The following ZNF599 variants were observed in gnomAD, a reference collection of about 807,000 sequenced individuals.
ZNF599 encodes the protein zinc finger protein 599.
In ZNF599, 10 loss-of-function variants were observed where a neutral mutation model predicts 11.7. That is an observed-to-expected ratio of 0.86 (90% confidence interval 0.53 to 1.45). ZNF599 has a LOEUF of 1.45. Among genes scored for constraint, ZNF599 ranks in the 40% most tolerant of loss-of-function variants. ZNF599 has a pLI of 0.00. For missense variants in ZNF599, 688 were observed against 713.6 expected (o/e 0.96, Z 0.41); for synonymous variants, 232 against 253.2 (o/e 0.92, Z 0.79).
intron 3 of ZNF599, chr19:34,763,447 G>T (rs1300609857): frequency 6.6e-6 from 1 of 152,146 alleles, no homozygotes; most frequent in Admixed American, 6.5e-5. Context: ...GATCACTGAA[G>T]GTCGGGAGTT....
At chr19:34,769,578 C>T in intron 1 of ZNF599, 23 bp from the exon 2 acceptor site, 1 of 1,607,970 alleles carries the variant, frequency 6.2e-7, no homozygotes, top group South Asian at 1.1e-5. Context: ...ACAGAGGTGA[C>T]AGGTGGCTGT....
chr19:34,765,763 T>C (rs2069138390), intron 3 of ZNF599: 1 of 684,478 alleles, frequency 1.5e-6, no homozygotes, highest in Admixed American at 2.0e-5. Context: ...GAGGCGGTGA[T>C]ACATGGAACA....
chr19:34,760,034 T>C lies in ZNF599; in HGVS notation c.767A>G (p.Lys256Arg), dbSNP rs1357500019. Residue 256 changes from lysine to arginine, a missense_variant, in exon 4 of 4, where the codon AAG (lysine) becomes AGG (arginine). Coordinates refer to ENST00000329285, the MANE Select transcript of ZNF599 (RefSeq NM_001007248.3). ...MRLHTGEKPYKCIECGKAFKR... is the reference protein window; with the variant it reads ...MRLHTGEKPYRCIECGKAFKR... ...GAAGGCTTTCCCACACTCAATACAC[T>C]TGTATGGTTTTTCCCCAGTATGAAG... 6.2e-7 allele frequency: 1 copy of C among 1,614,044 alleles called. No homozygotes were observed. Among genetic ancestry groups the C allele is most frequent in the East Asian group, 2.2e-5 (1 of 44,866 alleles).
chr19:34,794,855 A>G, the ZNF599 span, among the ~76,000 whole-genome samples: 1 of 152,110 alleles, frequency 6.6e-6, no homozygotes, highest in African/African-American at 2.4e-5. Context: ...ACAAGGGTCA[A>G]TCACCATGCC....
chr19:34,802,466 C>T, the ZNF599 span, among the ~76,000 whole-genome samples: 5,085 of 152,228 alleles, frequency 0.033, 146 homozygotes, highest in East Asian at 0.081. Context: ...GAGTGGCTCA[C>T]GTTCAGAGAC....
upstream of ZNF599, among the ~76,000 whole-genome samples, chr19:34,775,025 C>T (rs1199054883): frequency 6.6e-6 from 1 of 152,200 alleles, no homozygotes; most frequent in Non-Finnish European, 1.5e-5. Flanking sequence ...TGCTCCTGCT[C>T]TCACCATGTG....
chr19:34,759,057 G>C lies in ZNF599; in HGVS notation c.1744C>G (p.Arg582Gly). 5 of 1,611,602 alleles carry C rather than the reference G, an allele frequency of 3.1e-6. No homozygotes were observed. The highest frequency in any genetic ancestry group is 4.2e-6 in the Non-Finnish European group (5 of 1,178,200). Residue 582 changes from arginine (R) to glycine (G), a missense_variant, in exon 4 of 4, where the codon CGA becomes GGA. Coordinates refer to ENST00000329285, the MANE Select transcript of ZNF599 (RefSeq NM_001007248.3). Reference protein sequence around the residue: ...FSHSSSFTHHRKIHTRV With the variant: ...FSHSSSFTHHGKIHTRV ...TTTTAAACTCTGGTATGAATCTTTC[G>C]ATGGTGAGTGAACGATGAACTGTGG...
upstream of ZNF599, among the ~76,000 whole-genome samples, chr19:34,775,816 AAAAC>A (rs1259708543): frequency 1.3e-5 from 2 of 152,226 alleles, no homozygotes; most frequent in Non-Finnish European, 2.9e-5. Flanking sequence ...GTGTGTCAAC[AAAAC>A]ATATTAGTAA....
chr19:34,785,788 G>T, the ZNF599 span, among the ~76,000 whole-genome samples: 1 of 152,146 alleles, frequency 6.6e-6, no homozygotes, highest in African/African-American at 2.4e-5. Context: ...TGTGCTGTGG[G>T]GGGTGTGCCC....
intron 1 of ZNF599, 79 bp downstream of exon 1, chr19:34,772,745 G>T (rs2145467410): frequency 1.3e-6 from 2 of 1,531,502 alleles, no homozygotes; most frequent in South Asian, 2.4e-5. Flanking sequence ...ACAGAGTCCC[G>T]GCATCCGCCG....
the ZNF599 span, among the ~76,000 whole-genome samples, chr19:34,792,922 A>G: frequency 6.6e-6 from 1 of 152,130 alleles, no homozygotes; most frequent in Admixed American, 6.5e-5. Flanking sequence ...ATACCAAGCG[A>G]AAGACCCTGG....
At chr19:34,777,594 A>G (rs2069228054), upstream of ZNF599, among the ~76,000 whole-genome samples, 1 of 131,524 alleles carries the variant, frequency 7.6e-6, no homozygotes. Context: ...TATCATATAT[A>G]TAGGATATAT....
chr19:34,771,334 G>A (rs894432578), intron 1 of ZNF599, among the ~76,000 whole-genome samples: 1 of 152,166 alleles, frequency 6.6e-6, no homozygotes, highest in Non-Finnish European at 1.5e-5. Context: ...ATGCAACCTT[G>A]GGTAGTTAAT....
At chr19:34,797,904 A>T in the ZNF599 span, among the ~76,000 whole-genome samples, 1 of 152,198 alleles carries the variant, frequency 6.6e-6, no homozygotes, top group Non-Finnish European at 1.5e-5. Flanking sequence ...TGGCAAGATA[A>T]GGGTGTTTAT....
rs2069089750 is a variant in ZNF599 at position 34,759,077 on chromosome 19, C to T, written c.1724G>A (p.Ser575Asn). ...CNECGKTFSH[S>N]SSFTHHRKIH... ...CTTTCGATGGTGAGTGAACGATGAA[C>T]TGTGGCTGAAGGTCTTTCCACATTC... The change falls in exon 4 of 4, where the codon AGT (serine) becomes AAT (asparagine). Residue 575 changes from serine to asparagine, a missense_variant. Transcript: ENST00000329285. 1 of 1,613,552 alleles carries T rather than the reference C, an allele frequency of 6.2e-7. No individual in the cohort carries two copies. Among genetic ancestry groups the T allele is most frequent in the Non-Finnish European group, 8.5e-7 (1 of 1,179,628 alleles).
At chr19:34,772,772 T>C (rs867007595) in intron 1 of ZNF599, 52 bp downstream of exon 1, 30 of 1,534,456 alleles carry the variant, frequency 2.0e-5, no homozygotes, top group Admixed American at 1.6e-4. Flanking sequence ...AGCGGATGGG[T>C]GCATGCGGGC....
the ZNF599 span, chr19:34,779,986 C>T: frequency 2.0e-5 from 3 of 153,546 alleles, no homozygotes; most frequent in African/African-American, 7.2e-5. Flanking sequence ...CTAGAAAGTC[C>T]CCATCCTCCC....
At chr19:34,804,450 C>T in the ZNF599 span, among the ~76,000 whole-genome samples, 1 of 152,210 alleles carries the variant, frequency 6.6e-6, no homozygotes, top group Non-Finnish European at 1.5e-5. Flanking sequence ...CAGTCCTCGG[C>T]CCTCACTCTC....
the ZNF599 span, among the ~76,000 whole-genome samples, chr19:34,799,305 A>G: frequency 0.011 from 1,743 of 152,244 alleles, 16 homozygotes; most frequent in African/African-American, 0.04. Flanking sequence ...GCCCAGCCTC[A>G]TACTATACAT....
Sources: gnomAD v4.1 joint callset for allele counts (sites outside exome capture counted in the v4.1 genomes callset) on GRCh38, gnomAD v4.1.1 for gene constraint, MANE v1.5 for transcripts, NCBI Gene and HGNC (gene_info 2026-07-23, HGNC 2026-07-21) for gene names.